The following RMDN2 variants were observed in gnomAD, a reference collection of about 807,000 sequenced individuals.
The protein encoded by RMDN2 is regulator of microtubule dynamics 2, also known as regulator of microtubule dynamics protein 2.
RMDN2 carries 61 observed loss-of-function variants against 52.8 expected under a neutral mutation model. The observed-to-expected ratio is 1.16, with a 90% CI of 0.94 to 1.43. The LOEUF is 1.43. Ranked by LOEUF, RMDN2 falls within the 40% of genes most tolerant of loss-of-function variation. The probability of loss-of-function intolerance (pLI) is 0.00; values close to 1 mark genes in which losing one functional copy is unlikely to be tolerated. For synonymous variants in RMDN2, 180 were observed against 153.1 expected, an observed-to-expected ratio of 1.18 and a Z score of -1.30; for missense variants, 592 against 475.3, an observed-to-expected ratio of 1.25 and a Z score of -2.28.
At chr2:38,004,080 T>G in intron 9 of RMDN2, 36 bp downstream of exon 9, 1 of 1,606,826 alleles carries the variant, frequency 6.2e-7, no homozygotes, top group South Asian at 1.1e-5. Flanking sequence ...AAGATCACTT[T>G]GAACCTATCG....
intron 10 of RMDN2, among the ~76,000 whole-genome samples, chr2:38,028,877 A>C (rs1324168158): frequency 6.6e-6 from 1 of 152,042 alleles, no homozygotes; most frequent in Non-Finnish European, 1.5e-5. Flanking sequence ...AAAAGCTGTA[A>C]CTGGAGCCAG....
chr2:38,057,528 C>T (rs1681893978), intron 10 of RMDN2, among the ~76,000 whole-genome samples: 1 of 152,188 alleles, frequency 6.6e-6, no homozygotes, highest in African/African-American at 2.4e-5. Context: ...CTGCTGTAAA[C>T]CACAGGAGAT....
At chr2:37,991,360 T>C in intron 7 of RMDN2, 63 bp downstream of exon 7, 1 of 800,132 alleles carries the variant, frequency 1.2e-6, no homozygotes, top group Non-Finnish European at 1.9e-6. Flanking sequence ...GGATAAATTT[T>C]CAATGACTTA....
At chr2:38,022,560 A>G (rs1340350272), downstream of RMDN2, among the ~76,000 whole-genome samples, 1 of 152,252 alleles carries the variant, frequency 6.6e-6, no homozygotes, top group African/African-American at 2.4e-5. Flanking sequence ...AACTTTGAAT[A>G]TGCTTGATTT....
chr2:38,039,252 G>T (rs948116421), intron 10 of RMDN2: 12 of 152,046 alleles, frequency 7.9e-5, no homozygotes, highest in Non-Finnish European at 1.8e-4. Context: ...GCTCAGAGAG[G>T]ATAAGGAACT....
intron 10 of RMDN2, among the ~76,000 whole-genome samples, chr2:38,038,911 C>T (rs989250598): frequency 2.0e-5 from 3 of 152,058 alleles, no homozygotes; most frequent in Non-Finnish European, 4.4e-5. Flanking sequence ...GAGGGCCAGG[C>T]TGGTGGTTCC....
At chr2:37,975,612 C>T (rs1300325360) in intron 4 of RMDN2, among the ~76,000 whole-genome samples, 4 of 151,946 alleles carry the variant, frequency 2.6e-5, no homozygotes, top group Admixed American at 6.6e-5. Context: ...ATGTAGATGT[C>T]GGGTTGATGG....
chr2:38,049,295 A>G (rs1429285842), intron 10 of RMDN2, among the ~76,000 whole-genome samples: 3 of 152,162 alleles, frequency 2.0e-5, no homozygotes, highest in Non-Finnish European at 4.4e-5. Context: ...AGTTAGGACC[A>G]TCAGTCAGAG....
At chr2:37,952,403 A>G (rs1456734873) in intron 2 of RMDN2, 3 of 521,422 alleles carry the variant, frequency 5.8e-6, no homozygotes, top group African/African-American at 1.9e-5. Context: ...TTATTGGAGT[A>G]TGGAAGTCAA....
chr2:37,951,842 A>G, intron 2 of RMDN2: 1 of 1,613,710 alleles, frequency 6.2e-7, no homozygotes, highest in Non-Finnish European at 8.5e-7. Context: ...CCTCCTATCA[A>G]CAAAGCACAT....
At chr2:37,948,237 T>C (rs1049059459) in intron 2 of RMDN2, among the ~76,000 whole-genome samples, 2 of 152,228 alleles carry the variant, frequency 1.3e-5, no homozygotes, top group African/African-American at 2.4e-5. Flanking sequence ...TAAGAAGCTC[T>C]GTGGGTGACT....
chr2:37,937,279 C>A (rs1667380924), intron 2 of RMDN2, among the ~76,000 whole-genome samples: 1 of 152,104 alleles, frequency 6.6e-6, no homozygotes, highest in Non-Finnish European at 1.5e-5. Flanking sequence ...GTTTTGGTAC[C>A]AGTACCATGC....
At chr2:38,025,899 T>G (rs1402146851) in intron 10 of RMDN2, among the ~76,000 whole-genome samples, 1 of 152,142 alleles carries the variant, frequency 6.6e-6, no homozygotes, top group Non-Finnish European at 1.5e-5. Context: ...CAACGGATAT[T>G]GGTTTGTAGT....
chr2:38,048,209 C>T (rs1448285850), intron 10 of RMDN2, among the ~76,000 whole-genome samples: 2 of 152,222 alleles, frequency 1.3e-5, no homozygotes, highest in Non-Finnish European at 2.9e-5. Flanking sequence ...TCTGTATGTG[C>T]TACATTTTCT....
chr2:38,021,848 G>T (rs1420639936), downstream of RMDN2, among the ~76,000 whole-genome samples: 1 of 152,198 alleles, frequency 6.6e-6, no homozygotes, highest in Non-Finnish European at 1.5e-5. Flanking sequence ...TTCATGTCAT[G>T]CTGTGAGGCC....
At chr2:37,973,875 A>G (rs182015208) in intron 2 of RMDN2, among the ~76,000 whole-genome samples, 165 bp from the exon 3 acceptor site, 9 of 152,228 alleles carry the variant, frequency 5.9e-5, no homozygotes, top group Admixed American at 1.3e-4. Context: ...TTGCGCAGGG[A>G]CTTGTAGACT....
intron 10 of RMDN2, 88 bp from the exon 11 acceptor site, chr2:38,017,095 TCTC>T (rs1678905903): frequency 1.1e-5 from 7 of 637,664 alleles, no homozygotes; most frequent in Non-Finnish European, 1.7e-5. Context: ...TGTTGGGGAA[TCTC>T]CTCAAGTCAG....
intron 10 of RMDN2, among the ~76,000 whole-genome samples, chr2:38,046,183 G>T (rs1295467747): frequency 1.3e-5 from 2 of 152,184 alleles, no homozygotes; most frequent in East Asian, 3.9e-4. Flanking sequence ...TTTCAAGACA[G>T]TAAAAGTCTG....
chr2:37,995,141 T>C (rs1675340565), intron 7 of RMDN2, among the ~76,000 whole-genome samples: 1 of 152,148 alleles, frequency 6.6e-6, no homozygotes, highest in Admixed American at 6.5e-5. Context: ...TTATTTTATA[T>C]AGATTATACC....
Sources: allele counts gnomAD v4.1 joint callset (sites outside exome capture counted in the v4.1 genomes callset), GRCh38; gene constraint gnomAD v4.1.1; transcripts MANE v1.5; gene names NCBI Gene and HGNC (gene_info 2026-07-23, HGNC 2026-07-21).